The following LAMA5 variants were observed in gnomAD, a reference collection of about 807,000 sequenced individuals.
LAMA5 encodes laminin subunit alpha-5.
LAMA5 carries 260 observed loss-of-function variants against 433.4 expected under a neutral mutation model. The observed-to-expected ratio is 0.60, with a 90% CI of 0.54 to 0.66. The LOEUF (loss-of-function observed/expected upper bound fraction) is 0.66, where lower values mean the gene tolerates loss of function less well. LAMA5 is among the 30% of genes least tolerant of loss of function. The pLI, the probability that LAMA5 is intolerant of heterozygous loss-of-function variation, is 0.00. For missense variants in LAMA5, 5,378 were observed against 5,258.5 expected (o/e 1.02, Z -0.70); for synonymous variants, 2,620 against 2,226.6 (o/e 1.18, Z -4.97).
At chr20:62,322,223 C>T (rs1252811507) in intron 47 of LAMA5, 46 bp downstream of exon 47, 1 of 1,561,144 alleles carries the variant, frequency 6.4e-7, no homozygotes, top group South Asian at 1.2e-5. Context: ...GAGCGTACCC[C>T]ACTCAGAAGT....
At position 62,324,243 on chromosome 20, in the gene LAMA5, C is replaced by CTCTGT; in HGVS notation, c.5644-40_5644-39insACAGA. 1 of 1,575,100 alleles carries CTCTGT rather than the reference C, an allele frequency of 6.3e-7. No individual in the cohort carries two copies. Among genetic ancestry groups the CTCTGT allele is most frequent in the South Asian group, 1.2e-5 (1 of 85,834 alleles). ...GACAGTCAGAGCTATGGTGGACACC[C>CTCTGT]ACATCCTACTGCCGAGTCTGTGCAG... is the stretch of plus-strand genomic sequence containing the variant. On this transcript the variant is annotated intron_variant, in intron 42 of 79. Transcript: ENST00000252999. This position sits in a 1 kb window ranked among gnomAD's most constrained non-coding sequence, Gnocchi z 4.4.
intron 2 of LAMA5, among the ~76,000 whole-genome samples, chr20:62,361,281 G>A (rs940612152): frequency 6.6e-6 from 1 of 152,258 alleles, no homozygotes; most frequent in African/African-American, 2.4e-5. Flanking sequence ...GGGCCTGGCA[G>A]GCAGGCAGGG....
At chr20:62,346,884 G>A (rs1983471994) in intron 7 of LAMA5, 29 bp downstream of exon 7, 1 of 1,609,460 alleles carries the variant, frequency 6.2e-7, no homozygotes, top group Non-Finnish European at 8.5e-7. Flanking sequence ...GTGTGGGCAG[G>A]ACACACGTGT....
chr20:62,340,947 G>T (rs1316595751), intron 11 of LAMA5, among the ~76,000 whole-genome samples: 1 of 151,922 alleles, frequency 6.6e-6, no homozygotes, highest in Non-Finnish European at 1.5e-5. Flanking sequence ...GCTGAGGCAG[G>T]AGAATCGCTT....
In LAMA5 at chr20:62,330,058, T is replaced by C. The variant is rs185714803; in HGVS notation, c.3980-142A>G. On this transcript the variant is annotated intron_variant, in intron 31 of 79. Transcript: ENST00000252999. ...AGGCACGGGACGTGCCCAAGAGGTC[T>C]GCAAGGCCGGCCCCTCATGTCACGG... 111 of 1,234,016 alleles carry C rather than the reference T, an allele frequency of 9.0e-5. No individual in the cohort carries two copies. The African/African-American group carries it at 1.5e-3, about 17-fold the overall frequency. 76.4% of individuals were successfully genotyped at this position (1,234,016 alleles called of 1,614,324 possible).
In LAMA5 at chr20:62,334,573, C is replaced by T. The variant is rs1158904651; in HGVS notation, c.2531G>A (p.Arg844Lys). The T allele has an allele frequency of 1.9e-6, 3 of 1,548,450 alleles. No homozygotes were observed. Among genetic ancestry groups the T allele is most frequent in the South Asian group, 1.2e-5 (1 of 84,048 alleles). Residue 844 changes from arginine to lysine, a missense_variant, in exon 21 of 80, where the codon AGG becomes AAG. By Grantham distance (26) the Arg-to-Lys change is conservative (BLOSUM62 2). Coordinates refer to ENST00000252999, the MANE Select transcript of LAMA5 (RefSeq NM_005560.6). ...GGALGQSCEP[R>K]TGVCRCRPNT... ...GGGGCGGCACCGGCAGACGCCCGTC[C>T]TCGGTTCACAGCTCTGGCCCAGTGC...
rs1213142731 is a variant in LAMA5, at chr20:62,359,545, G to A, written c.450+2855C>T. ...GGAGCCTGAGGCCAGTGATGTGGCC[G>A]CTCAGTTCCAGAAGCTTCCGGAGGA... On this transcript the variant is annotated intron_variant, in intron 2 of 79. Transcript: ENST00000252999. This position sits in a 1 kb window ranked among gnomAD's most constrained non-coding sequence, Gnocchi z 4.3. 2.6e-5 allele frequency among the ~76,000 whole-genome samples: 4 copies of A among 152,222 alleles called. No homozygotes were observed. The highest frequency in any genetic ancestry group is 4.1e-4 in the South Asian group (2 of 4,832).
rs142382307 is a variant in LAMA5 at position 62,314,856 on chromosome 20, G to A, written c.8139C>T (p.Ser2713=). 3.3e-5 allele frequency: 54 copies of A among 1,612,518 alleles called. No individual in the cohort carries two copies. The highest frequency in any genetic ancestry group is 3.1e-4 in the African/African-American group (23 of 74,898). The stretch of plus-strand genomic sequence containing the variant: ...GCTCTCGCACGCGGCCAATGCTGGC[G>A]GACAGGGCCAGGCTGGCGTTGTGCA... ...RGVHNASLAL[S]ASIGRVRELI... is the part of the protein sequence containing the mutation. The change falls in exon 60 of 80, where the codon TCC becomes TCT. Residue 2713 remains serine, a synonymous_variant. Transcript: ENST00000252999.
chr20:62,310,575 A>G lies in LAMA5; in HGVS notation c.10447-3T>C. On this transcript the variant is annotated splice_polypyrimidine_tract_variant and splice_region_variant and intron_variant, in intron 75 of 79. Transcript: ENST00000252999. ...CAGCCGCTGAACCCGACGGTCACCT[A>G]TAGGAGCAGACCGGGCAGGGATCAG... The G allele has an allele frequency of 6.4e-7, 1 of 1,560,784 alleles. No homozygotes were observed. Among genetic ancestry groups the G allele is most frequent in the Non-Finnish European group, 8.6e-7 (1 of 1,158,130 alleles).
At chr20:62,327,112 C>T (rs1979433596) in intron 38 of LAMA5, 121 bp downstream of exon 38, 10 of 1,143,922 alleles carry the variant, frequency 8.7e-6, no homozygotes, top group Non-Finnish European at 1.2e-5. Flanking sequence ...AGGGCCTGGG[C>T]ACCCTCACGG....
At chr20:62,366,063 G>C (rs1236865697) in intron 1 of LAMA5, among the ~76,000 whole-genome samples, 3 of 152,192 alleles carry the variant, frequency 2.0e-5, no homozygotes, top group Admixed American at 6.5e-5. Context: ...GACAGCTCAG[G>C]TTACACAGGC....
intron 16 of LAMA5, 102 bp from the exon 17 acceptor site, chr20:62,336,888 G>T: frequency 8.5e-7 from 1 of 1,181,114 alleles, no homozygotes; most frequent in Non-Finnish European, 1.2e-6. Flanking sequence ...CAGGAGCTGA[G>T]GACCAGCACA....
Position 62,336,719 on chromosome 20 carries a change from C to G in LAMA5, c.2217+15G>C. 6.2e-7 allele frequency: 1 copy of G among 1,612,920 alleles called. No individual in the cohort carries two copies. The highest frequency in any genetic ancestry group is 8.5e-7 in the Non-Finnish European group (1 of 1,179,886). On this transcript the variant is annotated intron_variant, in intron 17 of 79. Transcript: ENST00000252999. ...TCCTCACCCATCTCCCACACACGAGCAGACTTGGGCTCACCTCAGGAAGGG... is the reference window on the plus strand; with the variant it reads ...TCCTCACCCATCTCCCACACACGAGGAGACTTGGGCTCACCTCAGGAAGGG...
At position 62,319,748 on chromosome 20, in the gene LAMA5, C is replaced by T; in HGVS notation, c.6807G>A (p.Glu2269=). Residue 2269 remains glutamate, a synonymous_variant, in exon 51 of 80, where the codon GAG becomes GAA. Coordinates refer to ENST00000252999, the MANE Select transcript of LAMA5 (RefSeq NM_005560.6). ...DQASQLLAGT[E]ATLGHAKTLL... ...GCGTCTTCGCATGGCCCAGTGTGGC[C>T]TCGGTGCCGGCCAGCAATTGGCTCG... The T allele has an allele frequency of 6.5e-7, 1 of 1,549,188 alleles. No individual in the cohort carries two copies. Among genetic ancestry groups the T allele is most frequent in the Non-Finnish European group, 8.7e-7 (1 of 1,147,418 alleles).
At chr20:62,344,734 C>A (rs1388742060) in intron 11 of LAMA5, among the ~76,000 whole-genome samples, 2 of 152,064 alleles carry the variant, frequency 1.3e-5, no homozygotes, top group African/African-American at 4.8e-5. Context: ...CAGGTGTGAG[C>A]CACTGTGCCC....
chr20:62,334,514 G>A lies in LAMA5; in HGVS notation c.2582+8C>T. On this transcript the variant is annotated splice_region_variant and intron_variant, in intron 21 of 79. Coordinates refer to ENST00000252999, the MANE Select transcript of LAMA5 (RefSeq NM_005560.6). ...CTCCCCACCACCCAGTGGGGAAGGG[G>A]TACCCACTCGCTGCAGGTGGGGCCC... 1 of 1,546,540 alleles carries A rather than the reference G, an allele frequency of 6.5e-7. No individual in the cohort carries two copies. The highest frequency in any genetic ancestry group is 8.7e-7 in the Non-Finnish European group (1 of 1,145,716).
Position 62,346,454 on chromosome 20 carries a change from T to C in LAMA5, c.1282+52A>G, listed in dbSNP as rs1983376710. ...AGCCCCAAAGGCCCAAGAACACCTC[T>C]TTCCAGGCAGACCCTGAGACCCAGG... On this transcript the variant is annotated intron_variant, in intron 9 of 79. Coordinates refer to ENST00000252999, the MANE Select transcript of LAMA5 (RefSeq NM_005560.6). 4.6e-6 allele frequency: 7 copies of C among 1,517,776 alleles called. No homozygotes were observed. The South Asian group carries it at 8.5e-5, about 18-fold the overall frequency. The allele number at this position is 1,517,776 out of a possible 1,614,324, so 94.0% of individuals were successfully genotyped here. A position where few individuals can be genotyped will look rare whatever the true frequency, so the allele number is the denominator to read the frequency against.
At chr20:62,349,270 C>A (rs1260724139) in intron 6 of LAMA5, among the ~76,000 whole-genome samples, 196 of 46,578 alleles carry the variant, frequency 4.2e-3, no homozygotes, top group African/African-American at 0.011. Context: ...GACTCCATCT[C>A]AAAAAAAAAA....
intron 58 of LAMA5, 140 bp downstream of exon 58, chr20:62,315,804 GCTTT>G (rs1986875740): frequency 4.6e-6 from 3 of 650,846 alleles, no homozygotes; most frequent in Admixed American, 2.7e-5. Context: ...TCCCTGGTAG[GCTTT>G]CTGTGTCTGG....
Sources: allele counts gnomAD v4.1 joint callset (sites outside exome capture counted in the v4.1 genomes callset), GRCh38; gene constraint gnomAD v4.1.1; non-coding constraint Gnocchi (gnomAD v3.1); transcripts MANE v1.5; gene names NCBI Gene and HGNC (gene_info 2026-07-23, HGNC 2026-07-21).